The following KCNQ5 variants were observed in gnomAD, a reference collection of about 807,000 sequenced individuals.
KCNQ5 encodes the protein potassium voltage-gated channel subfamily KQT member 5.
KCNQ5 carries 30 observed loss-of-function variants against 98.2 expected under a neutral mutation model. The ratio of observed to expected loss-of-function variants is 0.31; its 90% CI spans 0.23 to 0.41. The LOEUF is 0.41. KCNQ5 is among the 10% of genes least tolerant of loss of function. KCNQ5 has a pLI of 1.00. For missense variants in KCNQ5, 835 were observed against 1,182.5 expected, an observed-to-expected ratio of 0.71 and a Z score of 4.31; for synonymous variants, 458 against 449.4, an observed-to-expected ratio of 1.02 and a Z score of -0.24.
chr6:72,995,772 A>G (rs1769268838), intron 1 of KCNQ5, among the ~76,000 whole-genome samples: 1 of 152,220 alleles, frequency 6.6e-6, no homozygotes, highest in Non-Finnish European at 1.5e-5. Flanking sequence ...TGTAACAAAT[A>G]TAAAGACTTT....
intron 3 of KCNQ5, among the ~76,000 whole-genome samples, chr6:73,061,935 G>A (rs1772800788): frequency 6.6e-6 from 1 of 152,034 alleles, no homozygotes; most frequent in African/African-American, 2.4e-5. Context: ...GACCATCTTT[G>A]TATGTTTTTG....
intron 1 of KCNQ5, among the ~76,000 whole-genome samples, chr6:72,875,962 A>G (rs1347477422): frequency 1.3e-5 from 2 of 151,874 alleles, no homozygotes; most frequent in Non-Finnish European, 2.9e-5. Flanking sequence ...TAATGTATAG[A>G]GTTGTTTGTG....
chr6:73,167,182 A>G (rs1206972676), intron 10 of KCNQ5, among the ~76,000 whole-genome samples: 1 of 152,194 alleles, frequency 6.6e-6, no homozygotes, highest in Non-Finnish European at 1.5e-5. Flanking sequence ...GGCTACCCTG[A>G]AGGTCATCAC....
At chr6:72,660,934 T>C (rs1766488830) in intron 1 of KCNQ5, among the ~76,000 whole-genome samples, 1 of 152,138 alleles carries the variant, frequency 6.6e-6, no homozygotes, top group Non-Finnish European at 1.5e-5. Context: ...AATATTGGCA[T>C]ATAATAAAAA....
intron 1 of KCNQ5, among the ~76,000 whole-genome samples, chr6:72,667,668 C>T (rs936509906): frequency 6.6e-6 from 1 of 152,072 alleles, no homozygotes; most frequent in African/African-American, 2.4e-5. Context: ...TCAACAGTAA[C>T]AGGATACATG....
intron 1 of KCNQ5, among the ~76,000 whole-genome samples, chr6:72,754,746 G>A (rs777642575): frequency 1.3e-5 from 2 of 151,970 alleles, no homozygotes; most frequent in Non-Finnish European, 2.9e-5. Context: ...AATGTTCAAT[G>A]TACACATGAA....
At chr6:72,849,115 TACACACACAC>T (rs57312980) in intron 1 of KCNQ5, among the ~76,000 whole-genome samples, 3 of 147,486 alleles carry the variant, frequency 2.0e-5, no homozygotes, top group African/African-American at 5.0e-5. Context: ...TATGTACACA[TACACACACAC>T]ACACACACAC....
intron 10 of KCNQ5, among the ~76,000 whole-genome samples, chr6:73,159,993 T>TTTG (rs1562213034): frequency 0.031 from 4,288 of 136,378 alleles, 78 homozygotes; most frequent in African/African-American, 0.065. Flanking sequence ...CTATGGTTTT[T>TTTG]TTTGTTTGTT....
intron 1 of KCNQ5, among the ~76,000 whole-genome samples, chr6:72,918,053 A>G (rs1302765673): frequency 6.6e-6 from 1 of 152,102 alleles, no homozygotes; most frequent in Non-Finnish European, 1.5e-5. Context: ...ATATTGCCAA[A>G]TATTCCTGGG....
At chr6:73,008,174 G>C (rs1048596712) in intron 2 of KCNQ5, among the ~76,000 whole-genome samples, 1 of 151,376 alleles carries the variant, frequency 6.6e-6, no homozygotes, top group Non-Finnish European at 1.5e-5. Flanking sequence ...AAACACAAAA[G>C]AAGGTAGCAA....
chr6:72,717,056 T>C (rs1582161497), intron 1 of KCNQ5, among the ~76,000 whole-genome samples: 3 of 152,348 alleles, frequency 2.0e-5, no homozygotes, highest in East Asian at 3.9e-4. Flanking sequence ...TGAGCATGTT[T>C]CTGATTATTG....
chr6:72,764,333 CA>C (rs1772450276), intron 1 of KCNQ5, among the ~76,000 whole-genome samples: 1 of 152,046 alleles, frequency 6.6e-6, no homozygotes, highest in Non-Finnish European at 1.5e-5. Context: ...AAATTGGTGA[CA>C]AAAGAATATA....
Position 73,184,817 on chromosome 6 carries a change from G to A in KCNQ5, c.1578-5756G>A, listed in dbSNP as rs187177873. ...AGAATCCTGATGAATGAGCACTTTG[G>A]TGACAGGAAAATCCAGATGGGCTGG... On this transcript the variant is annotated intron_variant, in intron 11 of 13. Transcript: ENST00000370398. Among the ~76,000 whole-genome samples, 9 of 152,322 alleles carry A rather than the reference G, an allele frequency of 5.9e-5. No homozygotes were observed. In the East Asian group the frequency reaches 1.7e-3, roughly 29 times the overall value.
chr6:72,715,029 A>G lies in KCNQ5; in HGVS notation c.398+92442A>G, dbSNP rs556964921. Among the ~76,000 whole-genome samples, 26 of 152,306 alleles carry G rather than the reference A, an allele frequency of 1.7e-4. No homozygotes were observed. In the South Asian group the frequency reaches 5.2e-3, roughly 30 times the overall value. ...ATGTAGGCAAGAATTCTAAAATTAT[A>G]CAGTTAAGCTAAATAACATAGTATT... On this transcript the variant is annotated intron_variant, in intron 1 of 13. Coordinates refer to ENST00000370398, the MANE Select transcript of KCNQ5 (RefSeq NM_019842.4).
chr6:72,906,175 G>T (rs973702405), intron 1 of KCNQ5, among the ~76,000 whole-genome samples: 2 of 152,076 alleles, frequency 1.3e-5, no homozygotes, highest in African/African-American at 4.8e-5. Flanking sequence ...TCAGGGAAGT[G>T]GGGGAAAGCC....
intron 1 of KCNQ5, among the ~76,000 whole-genome samples, chr6:72,814,449 A>G (rs564594447): frequency 1.3e-5 from 2 of 152,332 alleles, no homozygotes; most frequent in African/African-American, 2.4e-5. Flanking sequence ...TCCTGTGAAG[A>G]TTACTTAGAA....
intron 1 of KCNQ5, among the ~76,000 whole-genome samples, chr6:72,833,581 G>T (rs1449802301): frequency 6.6e-6 from 1 of 152,060 alleles, no homozygotes; most frequent in African/African-American, 2.4e-5. Flanking sequence ...TCTTTAGAAT[G>T]CCCCCAGACC....
At chr6:73,075,027 A>T (rs1016924307) in intron 3 of KCNQ5, among the ~76,000 whole-genome samples, 6 of 152,224 alleles carry the variant, frequency 3.9e-5, no homozygotes, top group African/African-American at 1.4e-4. Flanking sequence ...ATCCCTCAAC[A>T]TGATGAAAAC....
At chr6:73,130,875 G>C (rs186214504) in intron 9 of KCNQ5, among the ~76,000 whole-genome samples, 2 of 152,254 alleles carry the variant, frequency 1.3e-5, no homozygotes, top group East Asian at 3.9e-4. Flanking sequence ...ATATAATTAT[G>C]TCAAAAGAGA....
Sources: allele counts gnomAD v4.1 joint callset (sites outside exome capture counted in the v4.1 genomes callset), GRCh38; gene constraint gnomAD v4.1.1; transcripts MANE v1.5; gene names NCBI Gene and HGNC (gene_info 2026-07-23, HGNC 2026-07-21).